Variants in TGFBR2 observed in about 807,000 individuals in gnomAD.
TGFBR2 encodes TGF-beta receptor type-2.
In TGFBR2, 18 loss-of-function variants were observed where a neutral mutation model predicts 49.0. The ratio of observed to expected loss-of-function variants is 0.37; its 90% CI spans 0.25 to 0.54. TGFBR2 has a LOEUF of 0.54. Among genes scored for constraint, TGFBR2 ranks in the 20% least tolerant of loss-of-function variants. The probability of loss-of-function intolerance (pLI) is 0.85; values close to 1 mark genes in which losing one functional copy is unlikely to be tolerated. For missense variants in TGFBR2, 525 were observed against 722.6 expected, an observed-to-expected ratio of 0.73 and a Z score of 3.13; for synonymous variants, 282 against 275.9, an observed-to-expected ratio of 1.02 and a Z score of -0.22.
In TGFBR2 at chr3:30,631,253, G is replaced by A. The variant is rs185416426; in HGVS notation, c.95-13494G>A. On this transcript the variant is annotated intron_variant, in intron 1 of 6. Coordinates refer to ENST00000295754, the MANE Select transcript of TGFBR2 (RefSeq NM_003242.6). ...GACGGGGTTTCGCCATATTGGCCAGGATGGTCTTGATTTCTTGACCTCGTG... is the reference window on the plus strand; with the variant it reads ...GACGGGGTTTCGCCATATTGGCCAGAATGGTCTTGATTTCTTGACCTCGTG... Among the ~76,000 whole-genome samples the A allele has an allele frequency of 5.7e-3, 870 of 152,086 alleles. 8 individuals carry two copies. Among genetic ancestry groups the A allele is most frequent in the Middle Eastern group, 0.014 (4 of 294 alleles).
chr3:30,621,256 A>G (rs1698224568), intron 1 of TGFBR2, among the ~76,000 whole-genome samples: 1 of 150,426 alleles, frequency 6.6e-6, no homozygotes, highest in Non-Finnish European at 1.5e-5. Context: ...GGAAAAGGAG[A>G]TGAAATAAGA....
chr3:30,679,609 C>A (rs78555439), intron 5 of TGFBR2, among the ~76,000 whole-genome samples: 4,926 of 152,200 alleles, frequency 0.032, 102 homozygotes, highest in East Asian at 0.098. Context: ...GAATAATTAC[C>A]ACTTCTTAAG....
chr3:30,673,476 G>A (rs532712820), intron 4 of TGFBR2, among the ~76,000 whole-genome samples: 2 of 152,268 alleles, frequency 1.3e-5, no homozygotes, highest in East Asian at 1.9e-4. Flanking sequence ...ATAGAGATTA[G>A]CACAGGCCTA....
At chr3:30,685,848 A>G (rs1462151436) in intron 5 of TGFBR2, among the ~76,000 whole-genome samples, 1 of 152,180 alleles carries the variant, frequency 6.6e-6, no homozygotes, top group Non-Finnish European at 1.5e-5. Flanking sequence ...GCAGGCACCA[A>G]CTGCAGCTGC....
At chr3:30,675,507 C>T (rs533555152) in intron 5 of TGFBR2, among the ~76,000 whole-genome samples, 83 of 152,106 alleles carry the variant, frequency 5.5e-4, no homozygotes, top group African/African-American at 1.9e-3. Context: ...CTAGCTCAGC[C>T]TCTTGAGTAG....
intron 1 of TGFBR2, among the ~76,000 whole-genome samples, chr3:30,608,162 C>A (rs1250212405): frequency 6.6e-6 from 1 of 151,988 alleles, no homozygotes; most frequent in East Asian, 1.9e-4. Context: ...TGGTCTCGAT[C>A]TCTTGACCTC....
intron 1 of TGFBR2, among the ~76,000 whole-genome samples, chr3:30,641,975 T>C (rs1250027119): frequency 6.6e-6 from 1 of 152,018 alleles, no homozygotes; most frequent in Non-Finnish European, 1.5e-5. Flanking sequence ...AATGGTCCTT[T>C]TTTCTTTTCC....
intron 3 of TGFBR2, among the ~76,000 whole-genome samples, chr3:30,664,333 A>T (rs1056326813): frequency 6.6e-6 from 1 of 151,798 alleles, no homozygotes; most frequent in African/African-American, 2.4e-5. Context: ...TGTTCTTTCC[A>T]TACCACCAAG....
intron 1 of TGFBR2, among the ~76,000 whole-genome samples, chr3:30,619,221 C>T (rs973642900): frequency 9.9e-5 from 15 of 152,086 alleles, no homozygotes; most frequent in African/African-American, 3.6e-4. Flanking sequence ...TTTATTTTTG[C>T]CCTTGAATTA....
intron 1 of TGFBR2, among the ~76,000 whole-genome samples, chr3:30,617,069 T>C (rs1356568833): frequency 7.2e-6 from 1 of 139,854 alleles, no homozygotes; most frequent in Non-Finnish European, 1.6e-5. Context: ...AAAGGAACTT[T>C]CATATTTTTT....
Position 30,692,939 on chromosome 3 carries a change from T to C in TGFBR2, c.*1340T>C. On this transcript the variant is annotated 3_prime_UTR_variant, in exon 7 of 7. Coordinates refer to ENST00000295754, the MANE Select transcript of TGFBR2 (RefSeq NM_003242.6). ...CTTACAAAGCTGCCTCACTTCTCACTGTAAACATTAGCTCTTTCCACTGCC... is the reference window on the plus strand; with the variant it reads ...CTTACAAAGCTGCCTCACTTCTCACCGTAAACATTAGCTCTTTCCACTGCC... The C allele has an allele frequency of 4.3e-6, 1 of 233,264 alleles. No homozygotes were observed. The allele number at this position is 233,264 out of a possible 1,614,324, so 14.4% of individuals were successfully genotyped here.
At chr3:30,671,519 G>T in intron 3 of TGFBR2, 119 bp from the exon 4 acceptor site, 3 of 1,004,146 alleles carry the variant, frequency 3.0e-6, no homozygotes, top group South Asian at 1.4e-5. Context: ...TAACAATATC[G>T]TATCTACAAA....
At chr3:30,647,560 T>TTTCATTCATTCA (rs139204908) in intron 2 of TGFBR2, among the ~76,000 whole-genome samples, 3 of 151,286 alleles carry the variant, frequency 2.0e-5, no homozygotes, top group East Asian at 3.9e-4. Flanking sequence ...TTTAGTGTTT[T>TTTCATTCATTCA]TTCATTCATT....
chr3:30,607,788 A>G (rs1330256971), intron 1 of TGFBR2, among the ~76,000 whole-genome samples: 1 of 132,888 alleles, frequency 7.5e-6, no homozygotes, highest in Non-Finnish European at 1.5e-5. Flanking sequence ...AGGAAAAAAT[A>G]AAAATAAAAA....
chr3:30,619,459 A>G (rs1698189162), intron 1 of TGFBR2, among the ~76,000 whole-genome samples: 1 of 152,112 alleles, frequency 6.6e-6, no homozygotes, highest in Non-Finnish European at 1.5e-5. Context: ...CTCTTTGAGC[A>G]TGGGGGCTGC....
intron 5 of TGFBR2, among the ~76,000 whole-genome samples, chr3:30,687,769 A>G (rs899578064): frequency 3.3e-5 from 5 of 152,132 alleles, no homozygotes; most frequent in African/African-American, 1.2e-4. Flanking sequence ...CCCCTGGACA[A>G]CCACCATTAT....
intron 5 of TGFBR2, among the ~76,000 whole-genome samples, chr3:30,680,183 T>C (rs780480574): frequency 4.6e-5 from 6 of 130,648 alleles, no homozygotes; most frequent in Non-Finnish European, 6.1e-5. Context: ...GATACGATAG[T>C]CAGAGCTACT....
intron 5 of TGFBR2, among the ~76,000 whole-genome samples, chr3:30,683,648 C>T (rs373569693): frequency 6.6e-6 from 1 of 152,218 alleles, no homozygotes; most frequent in African/African-American, 2.4e-5. Flanking sequence ...GTTTTAATCA[C>T]ATGCATTTTC....
In TGFBR2 at chr3:30,672,196, C is replaced by G. The variant is rs752866783; in HGVS notation, c.1013C>G (p.Thr338Arg). The change falls in exon 4 of 7, where the codon ACG becomes AGG. Residue 338 changes from threonine to arginine, a missense_variant. By Grantham distance (71) the Thr-to-Arg change is moderately conservative (BLOSUM62 -1). This residue lies in a region of TGFBR2 where 376 missense variants were observed against 478.2 expected (regional missense o/e 0.79). Coordinates refer to ENST00000295754, the MANE Select transcript of TGFBR2 (RefSeq NM_003242.6). The surrounding 1 kb of genome is among the most constrained non-coding windows in gnomAD (Gnocchi z 4.5). Reference sequence around the variant, plus strand: ...AAGGGCAACCTACAGGAGTACCTGACGCGGCATGTCATCAGCTGGGAGGAC... The same window carrying G: ...AAGGGCAACCTACAGGAGTACCTGAGGCGGCATGTCATCAGCTGGGAGGAC... ...HAKGNLQEYL[T>R]RHVISWEDLR... The G allele has an allele frequency of 6.2e-7, 1 of 1,612,256 alleles. No homozygotes were observed. Among genetic ancestry groups the G allele is most frequent in the Non-Finnish European group, 8.5e-7 (1 of 1,178,334 alleles).
Sources: gnomAD v4.1 joint callset for allele counts (sites outside exome capture counted in the v4.1 genomes callset) on GRCh38, gnomAD v4.1.1 for gene constraint, gnomAD v4.1.1 regional missense constraint, Gnocchi (gnomAD v3.1) non-coding constraint, MANE v1.5 for transcripts, NCBI Gene and HGNC (gene_info 2026-07-23, HGNC 2026-07-21) for gene names.